The following OPN5 variants were observed in gnomAD, a reference collection of about 807,000 sequenced individuals.
The protein encoded by OPN5 is opsin-5.
In OPN5, 18 loss-of-function variants were observed where a neutral mutation model predicts 41.7. That is an observed-to-expected ratio of 0.43 (90% CI 0.30 to 0.64). The LOEUF is 0.64. Among genes scored for constraint, OPN5 ranks in the 30% least tolerant of loss-of-function variants. The probability of loss-of-function intolerance (pLI) is 0.13; values close to 1 mark genes in which losing one functional copy is unlikely to be tolerated. For synonymous variants in OPN5, 178 were observed against 164.3 expected (o/e 1.08, Z -0.64); for missense variants, 318 against 434.5 (o/e 0.73, Z 2.38).
At chr6:47,784,353 G>A (rs1773148794) in intron 1 of OPN5, among the ~76,000 whole-genome samples, 2 of 151,876 alleles carry the variant, frequency 1.3e-5, no homozygotes, top group South Asian at 4.2e-4. Flanking sequence ...TTGGAGTGCA[G>A]TGGTGCGATC....
chr6:47,800,939 G>A lies in OPN5; in HGVS notation c.756+5376G>A, dbSNP rs565578413. 1.2e-4 allele frequency among the ~76,000 whole-genome samples: 19 copies of A among 152,292 alleles called. No homozygotes were observed. In the East Asian group the frequency reaches 3.1e-3, roughly 25 times the overall value. Reference sequence around the variant, plus strand: ...ATAGTAATTCATTTAACACACATCAGTCATTTACAATGTTCCAGGTCTACA... The same window carrying A: ...ATAGTAATTCATTTAACACACATCAATCATTTACAATGTTCCAGGTCTACA... On this transcript the variant is annotated intron_variant, in intron 4 of 6. Transcript: ENST00000371211.
rs776653355 is a variant in OPN5, at chr6:47,795,532, G to A, written c.725G>A (p.Ser242Asn). ...GCTCATTTCGACAGTCGGATCCATAGCAGCCATGTGCTGGAAATGAAACTG... is the reference window on the plus strand; with the variant it reads ...GCTCATTTCGACAGTCGGATCCATAACAGCCATGTGCTGGAAATGAAACTG... Residue 242 changes from serine to asparagine, a missense_variant, in exon 4 of 7, where the codon AGC becomes AAC. By Grantham distance (46) the Ser-to-Asn change is conservative. Transcript: ENST00000371211. 1.9e-6 allele frequency: 3 copies of A among 1,613,674 alleles called. No homozygotes were observed. The South Asian group carries it at 3.3e-5, about 18-fold the overall frequency.
chr6:47,809,235 G>C (rs1774095953), intron 5 of OPN5, among the ~76,000 whole-genome samples: 1 of 152,062 alleles, frequency 6.6e-6, no homozygotes, highest in African/African-American at 2.4e-5. Context: ...GTGTTGAGAT[G>C]GCCCCTGGTC....
rs76187364 is a variant in OPN5, at chr6:47,799,160, G to T, written c.756+3597G>T. Among the ~76,000 whole-genome samples the T allele has an allele frequency of 7.9e-3, 1,192 of 150,814 alleles. 7 individuals are homozygous for T. The highest frequency in any genetic ancestry group is 0.035 in the South Asian group (169 of 4,772). On this transcript the variant is annotated intron_variant, in intron 4 of 6. Transcript: ENST00000371211. ...ATGGTTTTGCTAGACTTTTGTAGCA[G>T]CCTGAAATTTCACAGGCTATAAACA... is the stretch of plus-strand genomic sequence containing the variant.
intron 1 of OPN5, among the ~76,000 whole-genome samples, chr6:47,784,537 A>G (rs1266571097): frequency 6.6e-6 from 1 of 151,970 alleles, no homozygotes; most frequent in Admixed American, 6.6e-5. Flanking sequence ...GCCTCAAGTG[A>G]TTTGCCCACC....
At chr6:47,813,740 T>C (rs1762339418) in intron 6 of OPN5, among the ~76,000 whole-genome samples, 1 of 152,018 alleles carries the variant, frequency 6.6e-6, no homozygotes, top group South Asian at 2.1e-4. Context: ...AATTAAAAAA[T>C]GGCATTAAAA....
intron 6 of OPN5, chr6:47,823,348 C>T (rs753350239): frequency 1.3e-5 from 2 of 152,118 alleles, no homozygotes; most frequent in Non-Finnish European, 2.9e-5. Context: ...GGAAGACAGA[C>T]AAAAGTTTAT....
chr6:47,800,965 G>A (rs1253126448), intron 4 of OPN5, among the ~76,000 whole-genome samples: 1 of 152,190 alleles, frequency 6.6e-6, no homozygotes, highest in Non-Finnish European at 1.5e-5. Flanking sequence ...CAGGTCTACA[G>A]TTATGATACA....
chr6:47,791,474 A>G (rs998286822), intron 2 of OPN5, among the ~76,000 whole-genome samples: 3 of 152,202 alleles, frequency 2.0e-5, no homozygotes, highest in African/African-American at 2.4e-5. Context: ...GTCACTGGCT[A>G]CTAGTATCAT....
At chr6:47,824,248 T>TC in exon 7 of OPN5, 1 of 544,898 alleles carries the variant, frequency 1.8e-6, no homozygotes, top group Middle Eastern at 3.2e-4. Context: ...GCTTTAAACA[T>TC]CCTGCAGTGC....
At chr6:47,787,301 A>G (rs955197949) in intron 2 of OPN5, 1 of 306,846 alleles carries the variant, frequency 3.3e-6, no homozygotes, top group Non-Finnish European at 4.8e-6. Context: ...ATGTGTGGCC[A>G]AAATTGAGAA....
chr6:47,811,762 C>T (rs1312799821), intron 6 of OPN5, 31 bp downstream of exon 6: 1 of 1,420,318 alleles, frequency 7.0e-7, no homozygotes, highest in South Asian at 1.2e-5. Context: ...TCACTATGGA[C>T]ACTCGTATTC....
At chr6:47,790,139 G>T (rs1229177454) in intron 2 of OPN5, among the ~76,000 whole-genome samples, 1 of 152,066 alleles carries the variant, frequency 6.6e-6, no homozygotes, top group African/African-American at 2.4e-5. Flanking sequence ...AAGAAAAAAA[G>T]AAACAACTGA....
chr6:47,795,778 TCACACA>T (rs57933636), intron 4 of OPN5, among the ~76,000 whole-genome samples: 68,327 of 142,368 alleles, frequency 0.48, 17,068 homozygotes, highest in East Asian at 0.8. Flanking sequence ...TCTCTCTCTC[TCACACA>T]CACACACACA....
chr6:47,799,208 ATATATATATACACACAC>A (rs1381570945), intron 4 of OPN5, among the ~76,000 whole-genome samples: 1 of 150,966 alleles, frequency 6.6e-6, no homozygotes, highest in Non-Finnish European at 1.5e-5. Context: ...ATATATATAT[ATATATATATACACACAC>A]ACACACATGA....
rs184722025 is a variant in OPN5, at chr6:47,788,098, C to A, written c.250+1464C>A. 1.3e-3 allele frequency among the ~76,000 whole-genome samples: 193 copies of A among 152,278 alleles called. 1 individual carries two copies. The highest frequency in any genetic ancestry group is 3.1e-3 in the Admixed American group (47 of 15,286). ...TATGGACCTGCATAAACATTATGAA[C>A]GCTTATGGTGAATGCACACGCACAT... is the stretch of plus-strand genomic sequence containing the variant. On this transcript the variant is annotated intron_variant, in intron 2 of 6. Transcript: ENST00000371211.
chr6:47,795,181 G>A (rs759769083), intron 3 of OPN5, 48 bp from the exon 4 acceptor site: 1 of 1,364,100 alleles, frequency 7.3e-7, no homozygotes, highest in East Asian at 2.4e-5. Flanking sequence ...GGAGGTATCT[G>A]GGTGTAGGGC....
intron 4 of OPN5, among the ~76,000 whole-genome samples, chr6:47,804,894 C>T (rs1225605129): frequency 6.6e-6 from 1 of 152,180 alleles, no homozygotes; most frequent in African/African-American, 2.4e-5. Context: ...CAATTGCACA[C>T]TCCTCTAAAA....
At chr6:47,804,284 A>G (rs1213211151) in intron 4 of OPN5, among the ~76,000 whole-genome samples, 2 of 152,290 alleles carry the variant, frequency 1.3e-5, no homozygotes, top group East Asian at 3.9e-4. Flanking sequence ...TCAGTGACCT[A>G]AAAAGGCAGT....
Sources: allele counts gnomAD v4.1 joint callset (sites outside exome capture counted in the v4.1 genomes callset), GRCh38; gene constraint gnomAD v4.1.1; transcripts MANE v1.5; gene names NCBI Gene and HGNC (gene_info 2026-07-23, HGNC 2026-07-21).